The following BLTP3B variants were observed in gnomAD, a reference collection of about 807,000 sequenced individuals.
BLTP3B encodes bridge-like lipid transfer protein family member 3B.
chr12:100,086,241 C>T, the BLTP3B span: 1 of 1,302,536 alleles, frequency 7.7e-7, no homozygotes, highest in Non-Finnish European at 1.0e-6. Context: ...TTGAAAACAA[C>T]ATTTATATCT....
chr12:100,050,438 G>T, the BLTP3B span: 1 of 863,544 alleles, frequency 1.2e-6, no homozygotes, highest in Non-Finnish European at 1.6e-6. Flanking sequence ...CAGACCAAAA[G>T]TATACTTGTG....
the BLTP3B span, among the ~76,000 whole-genome samples, chr12:100,132,558 C>A: frequency 6.6e-6 from 1 of 152,230 alleles, no homozygotes; most frequent in African/African-American, 2.4e-5. Flanking sequence ...TGTTGTCATG[C>A]AGCATAAAAG....
the BLTP3B span, chr12:100,059,733 A>C: frequency 1.7e-6 from 2 of 1,205,208 alleles, no homozygotes; most frequent in Non-Finnish European, 2.3e-6. Flanking sequence ...CACTAAGAAG[A>C]GAATCTTTTT....
chr12:100,053,602 C>A, the BLTP3B span, among the ~76,000 whole-genome samples: 1 of 152,100 alleles, frequency 6.6e-6, no homozygotes, highest in East Asian at 1.9e-4. Flanking sequence ...TTTGTATACA[C>A]ATACCTTTGT....
chr12:100,037,556 C>A, the BLTP3B span: 2 of 1,555,710 alleles, frequency 1.3e-6, no homozygotes, highest in East Asian at 4.7e-5. Context: ...TAAAAGTCTT[C>A]CCCTAACTGG....
the BLTP3B span, among the ~76,000 whole-genome samples, chr12:100,109,568 A>G: frequency 6.6e-6 from 1 of 152,154 alleles, no homozygotes; most frequent in African/African-American, 2.4e-5. Flanking sequence ...GTTCAAGACC[A>G]GCCTGGCCAA....
the BLTP3B span, among the ~76,000 whole-genome samples, chr12:100,087,158 C>CAGAAAAAAAAAAAAAAAAAAA: frequency 1.7e-5 from 1 of 59,892 alleles, no homozygotes; most frequent in Non-Finnish European, 3.1e-5. Context: ...GACTCCATCT[C>CAGAAAAAAAAAAAAAAAAAAA]AAAAAAAAAA....
At chr12:100,115,791 A>G in the BLTP3B span, among the ~76,000 whole-genome samples, 1 of 152,054 alleles carries the variant, frequency 6.6e-6, no homozygotes, top group South Asian at 2.1e-4. Context: ...CAAAAAAAAC[A>G]CACAAGTATA....
At chr12:100,109,480 G>A in the BLTP3B span, among the ~76,000 whole-genome samples, 25 of 152,172 alleles carry the variant, frequency 1.6e-4, no homozygotes, top group South Asian at 3.7e-3. Context: ...AAATGATAAA[G>A]GCAGCCAGGT....
At chr12:100,053,165 G>C in the BLTP3B span, among the ~76,000 whole-genome samples, 3 of 152,078 alleles carry the variant, frequency 2.0e-5, no homozygotes, top group East Asian at 5.9e-4. Context: ...AGCACTTTGG[G>C]AGGCTGAGGC....
the BLTP3B span, chr12:100,058,673 T>C: frequency 3.7e-6 from 6 of 1,614,062 alleles, no homozygotes; most frequent in Non-Finnish European, 5.1e-6. Flanking sequence ...AAAGAGCCAG[T>C]TCTGCACTTC....
At chr12:100,108,972 T>C in the BLTP3B span, among the ~76,000 whole-genome samples, 1 of 152,056 alleles carries the variant, frequency 6.6e-6, no homozygotes, top group African/African-American at 2.4e-5. Flanking sequence ...TACAATTAGG[T>C]AGAATGAATA....
At chr12:100,086,434 A>T in the BLTP3B span, 2,330 of 975,500 alleles carry the variant, frequency 2.4e-3, 84 homozygotes, top group East Asian at 0.052. Context: ...GAAAAATTTT[A>T]GCATACTTGG....
chr12:100,086,299 CTA>C, the BLTP3B span: 1 of 1,511,492 alleles, frequency 6.6e-7, no homozygotes, highest in Non-Finnish European at 8.9e-7. Flanking sequence ...GGATAATAAT[CTA>C]TAGTTAGCTG....
At chr12:100,135,828 T>C in the BLTP3B span, among the ~76,000 whole-genome samples, 14 of 152,178 alleles carry the variant, frequency 9.2e-5, no homozygotes, top group African/African-American at 2.9e-4. Flanking sequence ...TGGTACAATA[T>C]TTGGTACAAG....
At chr12:100,130,949 C>CATACATACATACATACATACATATATAT in the BLTP3B span, among the ~76,000 whole-genome samples, 1 of 97,546 alleles carries the variant, frequency 1.0e-5, no homozygotes, top group South Asian at 3.0e-4. Flanking sequence ...TACATACATA[C>CATACATACATACATACATACATATATAT]ATATATATAT....
chr12:100,068,392 A>G, the BLTP3B span, among the ~76,000 whole-genome samples: 1 of 152,256 alleles, frequency 6.6e-6, no homozygotes, highest in African/African-American at 2.4e-5. Context: ...AACTATAAAA[A>G]TTCTAGAAGA....
At chr12:100,111,074 A>AATT in the BLTP3B span, among the ~76,000 whole-genome samples, 1 of 151,628 alleles carries the variant, frequency 6.6e-6, no homozygotes, top group East Asian at 1.9e-4. Context: ...TAAACGTCCC[A>AATT]AGAGGGATAC....
the BLTP3B span, among the ~76,000 whole-genome samples, chr12:100,075,777 T>C: frequency 1.3e-5 from 2 of 152,052 alleles, no homozygotes; most frequent in African/African-American, 4.8e-5. Context: ...GAAATGTAAA[T>C]CGAAACCACA....
Sources: gnomAD v4.1 joint callset for allele counts (sites outside exome capture counted in the v4.1 genomes callset) on GRCh38, gnomAD v4.1.1 for gene constraint, MANE v1.5 for transcripts, NCBI Gene and HGNC (gene_info 2026-07-23, HGNC 2026-07-21) for gene names.